RUNX1: variants seen among roughly 807,000 people sequenced by gnomAD.
RUNX1 encodes runt-related transcription factor 1.
In RUNX1, 19 loss-of-function variants were observed where a neutral mutation model predicts 42.8. The ratio of observed to expected loss-of-function variants is 0.44; its 90% CI spans 0.31 to 0.65. The LOEUF is 0.65. RUNX1 is among the 30% of genes least tolerant of loss of function. The pLI, the probability that RUNX1 is intolerant of heterozygous loss-of-function variation, is 0.07. For synonymous variants in RUNX1, 271 were observed against 289.4 expected, an observed-to-expected ratio of 0.94 and a Z score of 0.64; for missense variants, 528 against 672.0, an observed-to-expected ratio of 0.79 and a Z score of 2.37.
At chr21:34,991,521 G>A (rs1033367291) in intron 2 of RUNX1, among the ~76,000 whole-genome samples, 29 of 150,284 alleles carry the variant, frequency 1.9e-4, no homozygotes, top group African/African-American at 5.7e-4. Context: ...CTATGTGCCC[G>A]GCAGCATTCC....
intron 2 of RUNX1, among the ~76,000 whole-genome samples, chr21:34,975,422 T>G (rs989899266): frequency 6.6e-6 from 1 of 152,254 alleles, no homozygotes; most frequent in Admixed American, 6.5e-5. Context: ...ACTATTTGCA[T>G]AGCATTTACA....
At chr21:34,963,788 TC>T (rs2146715353) in intron 2 of RUNX1, among the ~76,000 whole-genome samples, 1 of 152,122 alleles carries the variant, frequency 6.6e-6, no homozygotes, top group Non-Finnish European at 1.5e-5. Context: ...AACAGGGAGA[TC>T]CAGAGCACAG....
chr21:34,790,652 G>A lies in RUNX1; in HGVS notation c.*1483C>T, dbSNP rs970426795. ...ATATACCCCATAGGGTAGGGTCTCA[G>A]CCTGGTGAAAGCAACACAAAGATGT... On this transcript the variant is annotated 3_prime_UTR_variant, in exon 9 of 9. Transcript: ENST00000675419. The A allele has an allele frequency of 4.3e-6, 1 of 233,210 alleles. No individual in the cohort carries two copies. Among genetic ancestry groups the A allele is most frequent in the African/African-American group, 2.2e-5 (1 of 45,362 alleles). 14.4% of individuals were successfully genotyped at this position (233,210 alleles called of 1,614,324 possible). A position where few individuals can be genotyped will look rare whatever the true frequency, so the allele number is the denominator to read the frequency against.
intron 2 of RUNX1, among the ~76,000 whole-genome samples, chr21:34,935,634 T>G (rs1359293509): frequency 6.6e-6 from 1 of 152,110 alleles, no homozygotes; most frequent in Non-Finnish European, 1.5e-5. Flanking sequence ...TCAGAACTCT[T>G]GACATTTTGG....
intron 2 of RUNX1, among the ~76,000 whole-genome samples, chr21:34,906,968 G>T (rs763105653): frequency 6.6e-6 from 1 of 152,178 alleles, no homozygotes; most frequent in African/African-American, 2.4e-5. Flanking sequence ...AGAGAGTCAC[G>T]TGCCCTTTTG....
chr21:34,801,933 G>A (rs2056613642), intron 7 of RUNX1, among the ~76,000 whole-genome samples: 1 of 151,956 alleles, frequency 6.6e-6, no homozygotes, highest in Non-Finnish European at 1.5e-5. Context: ...GTGAGCAACT[G>A]GGTGACATTG....
intron 2 of RUNX1, among the ~76,000 whole-genome samples, chr21:34,905,530 T>A (rs2058211477): frequency 6.6e-6 from 1 of 152,198 alleles, no homozygotes; most frequent in South Asian, 2.1e-4. Flanking sequence ...CCAAAAGACA[T>A]TCCTTTAGTG....
chr21:34,935,758 C>T (rs1489505614), intron 2 of RUNX1, among the ~76,000 whole-genome samples: 1 of 152,058 alleles, frequency 6.6e-6, no homozygotes, highest in East Asian at 1.9e-4. Context: ...GATGTCACAT[C>T]CAAAAATGTC....
chr21:35,027,910 G>C (rs1483701624), intron 2 of RUNX1, among the ~76,000 whole-genome samples: 1 of 152,188 alleles, frequency 6.6e-6, no homozygotes, highest in African/African-American at 2.4e-5. Context: ...CTGGCTTTAG[G>C]ATCTTGTGGC....
At chr21:34,804,101 A>G (rs2056646092) in intron 7 of RUNX1, among the ~76,000 whole-genome samples, 1 of 152,230 alleles carries the variant, frequency 6.6e-6, no homozygotes, top group Non-Finnish European at 1.5e-5. Flanking sequence ...AATATAGAGA[A>G]TCATAGTGAG....
At chr21:34,856,648 T>C (rs1192413611) in intron 6 of RUNX1, among the ~76,000 whole-genome samples, 3 of 152,214 alleles carry the variant, frequency 2.0e-5, no homozygotes, top group South Asian at 2.1e-4. Context: ...CCCTTACCTA[T>C]GGGGTGATGA....
intron 2 of RUNX1, among the ~76,000 whole-genome samples, chr21:34,920,777 C>T (rs1432651247): frequency 1.5e-5 from 1 of 67,400 alleles, no homozygotes; most frequent in Non-Finnish European, 4.7e-5. Flanking sequence ...GCTAAATAAA[C>T]ATTTTTTCAT....
intron 2 of RUNX1, among the ~76,000 whole-genome samples, chr21:34,949,725 G>C (rs2058592913): frequency 6.6e-6 from 1 of 152,226 alleles, no homozygotes; most frequent in African/African-American, 2.4e-5. Flanking sequence ...GTCACAGCGT[G>C]GAGTGGGAGT....
intron 2 of RUNX1, among the ~76,000 whole-genome samples, chr21:34,992,606 G>T (rs77619227): frequency 0.016 from 2,366 of 146,620 alleles, 23 homozygotes; most frequent in Middle Eastern, 0.069. Context: ...AGTGATAAGA[G>T]GTATAAAGAA....
intron 2 of RUNX1, among the ~76,000 whole-genome samples, chr21:34,956,106 G>T (rs8127214): frequency 0.17 from 25,153 of 152,056 alleles, 4,303 homozygotes; most frequent in African/African-American, 0.44. Context: ...TGTTTTTTCT[G>T]TTTAAGGGAG....
chr21:34,852,005 A>G (rs2057426303), intron 6 of RUNX1, among the ~76,000 whole-genome samples: 1 of 152,104 alleles, frequency 6.6e-6, no homozygotes. Context: ...CATCTCTACT[A>G]AAAATACAAA....
At position 34,791,165 on chromosome 21, in the gene RUNX1, G is replaced by A; in HGVS notation, c.*970C>T. The A allele has an allele frequency of 4.3e-6, 1 of 233,572 alleles. No homozygotes were observed. Among genetic ancestry groups the A allele is most frequent in the Non-Finnish European group, 8.5e-6 (1 of 118,000 alleles). 14.5% of individuals were successfully genotyped at this position (233,572 alleles called of 1,614,324 possible). A position where few individuals can be genotyped will look rare whatever the true frequency, so the allele number is the denominator to read the frequency against. On this transcript the variant is annotated 3_prime_UTR_variant, in exon 9 of 9. Coordinates refer to ENST00000675419, the MANE Select transcript of RUNX1 (RefSeq NM_001754.5). ...TCACTTGTTTGATTAACATGAAAGGGAGTTTAATGTAAACAATACTTCTGG... is the reference window on the plus strand; with the variant it reads ...TCACTTGTTTGATTAACATGAAAGGAAGTTTAATGTAAACAATACTTCTGG...
In RUNX1 at chr21:34,993,736, CACAGAG is replaced by C. The variant is rs1569141987; in HGVS notation, c.58+55100_58+55105del. On this transcript the variant is annotated intron_variant, in intron 2 of 8. Transcript: ENST00000675419. ...ACACACAGGCACACACACACAGACA[CACAGAG>C]ACACACACACAGACACACACAGGCG... is the stretch of plus-strand genomic sequence containing the variant. 5.1e-4 allele frequency among the ~76,000 whole-genome samples: 67 copies of C among 132,490 alleles called. 5 individuals carry two copies. Among genetic ancestry groups the C allele is most frequent in the African/African-American group, 2.7e-3 (67 of 24,654 alleles). 86.9% of individuals were successfully genotyped at this position (132,490 alleles called of 152,430 possible).
chr21:35,013,189 T>C (rs944465123), intron 2 of RUNX1, among the ~76,000 whole-genome samples: 4 of 152,224 alleles, frequency 2.6e-5, no homozygotes, highest in African/African-American at 9.6e-5. Context: ...TTGTAAGCCA[T>C]TGGTACCTGT....
Sources: gnomAD v4.1 joint callset for allele counts (sites outside exome capture counted in the v4.1 genomes callset) on GRCh38, gnomAD v4.1.1 for gene constraint, MANE v1.5 for transcripts, NCBI Gene and HGNC (gene_info 2026-07-23, HGNC 2026-07-21) for gene names.